SGIP1: variants seen among roughly 807,000 people sequenced by gnomAD.
SGIP1 encodes SH3GL interacting endocytic adaptor 1, also known as SH3-containing GRB2-like protein 3-interacting protein 1.
A neutral mutation model predicts 107.5 loss-of-function variants in SGIP1; 38 were observed. The observed-to-expected ratio is 0.35, with a 90% confidence interval of 0.27 to 0.46. The LOEUF (loss-of-function observed/expected upper bound fraction) is 0.46, where lower values mean the gene tolerates loss of function less well. SGIP1 is among the 20% of genes least tolerant of loss of function. SGIP1 has a pLI of 1.00. For synonymous variants in SGIP1, 365 were observed against 366.1 expected, an observed-to-expected ratio of 1.00 and a Z score of 0.03; for missense variants, 929 against 1,019.5, an observed-to-expected ratio of 0.91 and a Z score of 1.21.
chr1:66,682,287 A>T lies in SGIP1; in HGVS notation c.1233A>T (p.Pro411=). The part of the protein sequence containing the change: ...KDFGLGQRAT[P]PPPPPPTYRT... Reference sequence around the variant, plus strand: ...TTGGGTTGGGACAAAGAGCAACTCCACCTCCCCCACCACCACCCACCTACA... The same window carrying T: ...TTGGGTTGGGACAAAGAGCAACTCCTCCTCCCCCACCACCACCCACCTACA... Residue 411 remains proline (P), a synonymous_variant, in exon 15 of 25, where the codon CCA becomes CCT. Transcript: ENST00000371037. 2 of 1,613,792 alleles carry T rather than the reference A, an allele frequency of 1.2e-6. No individual in the cohort carries two copies. The highest frequency in any genetic ancestry group is 1.7e-6 in the Non-Finnish European group (2 of 1,179,926).
At chr1:66,655,994 A>G (rs982305251) in intron 7 of SGIP1, among the ~76,000 whole-genome samples, 4 of 152,238 alleles carry the variant, frequency 2.6e-5, no homozygotes, top group Non-Finnish European at 5.9e-5. Context: ...AAAACATTGT[A>G]CAGCTGTATG....
chr1:66,606,689 A>G (rs1450159227), intron 1 of SGIP1, among the ~76,000 whole-genome samples: 3 of 152,356 alleles, frequency 2.0e-5, no homozygotes, highest in Admixed American at 6.5e-5. Flanking sequence ...ACGAAGAGTC[A>G]TCATAATGCT....
At chr1:66,696,406 C>A (rs1242327015) in intron 18 of SGIP1, among the ~76,000 whole-genome samples, 1 of 152,112 alleles carries the variant, frequency 6.6e-6, no homozygotes. Context: ...AAAACACATT[C>A]CACTCTAGAT....
chr1:66,582,338 A>T (rs1357092250), intron 1 of SGIP1, among the ~76,000 whole-genome samples: 1 of 152,054 alleles, frequency 6.6e-6, no homozygotes, highest in African/African-American at 2.4e-5. Flanking sequence ...GGCCAGATGA[A>T]CTGGTGAATG....
At chr1:66,544,177 C>A (rs1411664821) in intron 1 of SGIP1, among the ~76,000 whole-genome samples, 1 of 152,180 alleles carries the variant, frequency 6.6e-6, no homozygotes, top group African/African-American at 2.4e-5. Flanking sequence ...CTCTATCATC[C>A]TTTATTCTCA....
intron 1 of SGIP1, among the ~76,000 whole-genome samples, chr1:66,540,888 T>G (rs1445502661): frequency 6.6e-6 from 1 of 152,222 alleles, no homozygotes; most frequent in Non-Finnish European, 1.5e-5. Flanking sequence ...GTGCCATACC[T>G]CTAGAACTTC....
At chr1:66,534,001 C>G (rs1203889940), upstream of SGIP1, among the ~76,000 whole-genome samples, 1 of 151,560 alleles carries the variant, frequency 6.6e-6, no homozygotes, top group Non-Finnish European at 1.5e-5. Context: ...GGAATGGGGA[C>G]GGGAAATAGG....
At chr1:66,537,593 T>G (rs2053927666) in intron 1 of SGIP1, among the ~76,000 whole-genome samples, 1 of 152,094 alleles carries the variant, frequency 6.6e-6, no homozygotes, top group African/African-American at 2.4e-5. Flanking sequence ...ATATTCAGGC[T>G]CTTAGGTGCT....
intron 18 of SGIP1, among the ~76,000 whole-genome samples, chr1:66,703,714 T>C (rs746269741): frequency 2.6e-5 from 4 of 151,162 alleles, no homozygotes; most frequent in Non-Finnish European, 5.9e-5. Context: ...CTATATCATA[T>C]ATATTATATA....
chr1:66,603,572 A>T (rs2066266608), intron 1 of SGIP1, among the ~76,000 whole-genome samples: 1 of 152,174 alleles, frequency 6.6e-6, no homozygotes, highest in Admixed American at 6.5e-5. Context: ...CACACAGACC[A>T]CACACTGTAC....
chr1:66,557,363 T>A (rs887450607), intron 1 of SGIP1, among the ~76,000 whole-genome samples: 1 of 152,134 alleles, frequency 6.6e-6, no homozygotes, highest in African/African-American at 2.4e-5. Context: ...TGAATCAGAA[T>A]TTTCTGCAAA....
At chr1:66,670,832 T>C (rs1188939192) in intron 9 of SGIP1, among the ~76,000 whole-genome samples, 163 bp from the exon 10 acceptor site, 1 of 152,216 alleles carries the variant, frequency 6.6e-6, no homozygotes, top group Non-Finnish European at 1.5e-5. Context: ...CTGATTTCTG[T>C]GTGTGTATCT....
chr1:66,633,211 G>A, intron 3 of SGIP1, 117 bp downstream of exon 3: 1 of 707,324 alleles, frequency 1.4e-6, no homozygotes, highest in Non-Finnish European at 2.5e-6. Context: ...TGACTTTTTG[G>A]ACCTCTCACT....
chr1:66,701,858 G>A (rs1048505043), intron 18 of SGIP1, among the ~76,000 whole-genome samples: 1 of 152,176 alleles, frequency 6.6e-6, no homozygotes, highest in African/African-American at 2.4e-5. Flanking sequence ...AAAATGGAAG[G>A]AATAGGCTTC....
intron 1 of SGIP1, among the ~76,000 whole-genome samples, chr1:66,610,897 A>G (rs1164198177): frequency 6.6e-6 from 1 of 152,062 alleles, no homozygotes; most frequent in Non-Finnish European, 1.5e-5. Context: ...AAAATCAAAC[A>G]TTGTATGCTC....
chr1:66,660,189 AAG>A lies in SGIP1; in HGVS notation c.460-322_460-321del, dbSNP rs777269582. The A allele has an allele frequency of 2.6e-4, 53 of 201,734 alleles. 1 individual carries two copies. Among genetic ancestry groups the A allele is most frequent in the East Asian group, 1.9e-3 (14 of 7,202 alleles). 12.5% of individuals were successfully genotyped at this position (201,734 alleles called of 1,614,324 possible). A position where few individuals can be genotyped will look rare whatever the true frequency, so the allele number is the denominator to read the frequency against. ...AAAGAAAGAAAGAAAGAAAGAAAGA[AAG>A]AAAGAAAGAAAGAAAGAAAGAAAGA... On this transcript the variant is annotated intron_variant, in intron 7 of 24. Coordinates refer to ENST00000371037, the MANE Select transcript of SGIP1 (RefSeq NM_032291.4).
intron 21 of SGIP1, among the ~76,000 whole-genome samples, chr1:66,736,135 C>G (rs2150681814): frequency 6.8e-6 from 1 of 146,128 alleles, no homozygotes; most frequent in East Asian, 2.0e-4. Flanking sequence ...ACATATAAAA[C>G]CTATACAATC....
At chr1:66,685,244 C>T (rs142783963) in intron 15 of SGIP1, among the ~76,000 whole-genome samples, 1 of 152,312 alleles carries the variant, frequency 6.6e-6, no homozygotes, top group African/African-American at 2.4e-5. Context: ...ATTTTATTCA[C>T]AGCAAGGTGA....
chr1:66,682,144 C>T lies in SGIP1; in HGVS notation c.1090C>T (p.Pro364Ser), dbSNP rs749410342. ...AGGTCCCACAGGCCCCCCAGGGCCT[C>T]CTGGGCCTCCTCGCAATGTACTATC... Reference protein sequence around the residue: ...PPGPTGPPGPPGPPRNVLSPL... With the variant: ...PPGPTGPPGPSGPPRNVLSPL... Residue 364 changes from proline (P) to serine (S), a missense_variant, in exon 15 of 25, where the codon CCT becomes TCT. This residue lies in a region of SGIP1 where 588 missense variants were observed against 588.6 expected (regional missense o/e 1.00). Transcript: ENST00000371037. The T allele has an allele frequency of 1.1e-5, 17 of 1,614,116 alleles. No individual in the cohort carries two copies. Among genetic ancestry groups the T allele is most frequent in the Non-Finnish European group, 1.4e-5 (16 of 1,180,042 alleles).
Sources: allele counts gnomAD v4.1 joint callset (sites outside exome capture counted in the v4.1 genomes callset), GRCh38; gene constraint gnomAD v4.1.1; regional missense constraint gnomAD v4.1.1; transcripts MANE v1.5; gene names NCBI Gene and HGNC (gene_info 2026-07-23, HGNC 2026-07-21).